Variants in NEBL observed in about 807,000 individuals in gnomAD.
NEBL encodes LIM and SH3 protein 2.
Under a neutral mutation model 140.2 loss-of-function variants are expected in NEBL, and 122 were observed. The ratio of observed to expected loss-of-function variants is 0.87; its 90% CI spans 0.75 to 1.01. NEBL has a LOEUF of 1.01. Ranked by LOEUF, NEBL falls within the 50% of genes least tolerant of loss-of-function variation. The pLI, the probability that NEBL is intolerant of heterozygous loss-of-function variation, is 0.00. For missense variants in NEBL, 1,365 were observed against 1,231.3 expected, an observed-to-expected ratio of 1.11 and a Z score of -1.62; for synonymous variants, 436 against 398.9, an observed-to-expected ratio of 1.09 and a Z score of -1.11.
intron 1 of NEBL, among the ~76,000 whole-genome samples, chr10:21,266,350 C>A (rs1214137625): frequency 2.0e-5 from 3 of 152,154 alleles, no homozygotes; most frequent in Non-Finnish European, 2.9e-5. Flanking sequence ...CCATGTTGCC[C>A]AGGCTAGTCT....
chr10:21,224,195 G>A (rs548865926), intron 3 of NEBL, among the ~76,000 whole-genome samples: 2 of 152,304 alleles, frequency 1.3e-5, no homozygotes, highest in Admixed American at 6.5e-5. Context: ...TTTGTATATG[G>A]TGAGAGATAG....
chr10:21,046,018 C>A (rs1474339263), intron 2 of NEBL, among the ~76,000 whole-genome samples: 1 of 151,870 alleles, frequency 6.6e-6, no homozygotes, highest in Non-Finnish European at 1.5e-5. Flanking sequence ...CACACACACA[C>A]ACACACGTGT....
At position 20,859,731 on chromosome 10, in the gene NEBL, A is replaced by C; in HGVS notation, c.780T>G (p.Ala260=). The C allele has an allele frequency of 3.1e-6, 5 of 1,595,056 alleles. No homozygotes were observed. The highest frequency in any genetic ancestry group is 4.3e-6 in the Non-Finnish European group (5 of 1,163,494). The change falls in exon 8 of 28, where the codon GCT becomes GCG. Residue 260 remains alanine, a synonymous_variant. Transcript: ENST00000377122. ...AACTTACATTGCTCGCCAGTGTAGC[A>C]GCAAGCTGATTCTGCCTAAAAGAAG... is the stretch of plus-strand genomic sequence containing the variant. ...ESASFRQNQL[A]ATLASNVKYK...
intron 1 of NEBL, among the ~76,000 whole-genome samples, chr10:21,269,749 A>T (rs1021933579): frequency 2.6e-5 from 4 of 152,192 alleles, no homozygotes; most frequent in Admixed American, 2.6e-4. Flanking sequence ...ATATATTTGC[A>T]TATATAGTGA....
At chr10:21,288,280 C>A (rs539222044) in intron 1 of NEBL, among the ~76,000 whole-genome samples, 1 of 151,848 alleles carries the variant, frequency 6.6e-6, no homozygotes, top group Admixed American at 6.6e-5. Flanking sequence ...CCAGCCTGGC[C>A]AACATAATGA....
At chr10:21,211,183 C>A (rs970714255) in intron 3 of NEBL, among the ~76,000 whole-genome samples, 16 of 152,036 alleles carry the variant, frequency 1.1e-4, no homozygotes, top group Admixed American at 4.6e-4. Flanking sequence ...TGAAAACAAT[C>A]AAAAATAGTC....
At chr10:20,992,696 A>G (rs370854227) in intron 3 of NEBL, among the ~76,000 whole-genome samples, 8 of 146,146 alleles carry the variant, frequency 5.5e-5, no homozygotes, top group African/African-American at 1.8e-4. Context: ...GCTACTTACT[A>G]TCCTCTACTA....
intron 3 of NEBL, among the ~76,000 whole-genome samples, chr10:20,966,535 A>G (rs1406404513): frequency 2.0e-5 from 3 of 152,224 alleles, no homozygotes; most frequent in Non-Finnish European, 4.4e-5. Flanking sequence ...TTGCTGCTGA[A>G]GTATGTGCAT....
At chr10:20,849,015 A>G (rs1309563975) in intron 11 of NEBL, among the ~76,000 whole-genome samples, 2 of 152,246 alleles carry the variant, frequency 1.3e-5, no homozygotes, top group Admixed American at 6.5e-5. Flanking sequence ...GCCTGTTTTG[A>G]TGTTGTTATT....
chr10:20,924,962 C>T (rs1833820054), intron 4 of NEBL, among the ~76,000 whole-genome samples: 1 of 150,876 alleles, frequency 6.6e-6, no homozygotes, highest in African/African-American at 2.4e-5. Context: ...CATCTGCAGA[C>T]CCCCAACCCC....
intron 4 of NEBL, among the ~76,000 whole-genome samples, chr10:20,924,399 G>A (rs374457822): frequency 9.5e-6 from 1 of 105,762 alleles, no homozygotes; most frequent in Admixed American, 1.4e-4. Flanking sequence ...TATAGCTCTC[G>A]ATCAGGCATG....
chr10:21,246,690 C>T (rs929472730), intron 3 of NEBL, among the ~76,000 whole-genome samples: 3 of 151,882 alleles, frequency 2.0e-5, no homozygotes, highest in African/African-American at 7.3e-5. Context: ...AAAAAATCAT[C>T]GAGCGTGGTG....
intron 4 of NEBL, among the ~76,000 whole-genome samples, chr10:20,936,651 C>T (rs921068934): frequency 1.3e-5 from 2 of 152,218 alleles, no homozygotes; most frequent in Admixed American, 1.3e-4. Flanking sequence ...GGCCAGCTGC[C>T]TCTTTCTTGG....
At chr10:21,094,577 G>C (rs1165704653) in intron 2 of NEBL, among the ~76,000 whole-genome samples, 1 of 151,180 alleles carries the variant, frequency 6.6e-6, no homozygotes, top group African/African-American at 2.4e-5. Context: ...CAGCTACTCG[G>C]AGGCTGAAGC....
At chr10:20,999,887 G>A (rs935929996) in intron 3 of NEBL, among the ~76,000 whole-genome samples, 4 of 152,038 alleles carry the variant, frequency 2.6e-5, no homozygotes, top group Middle Eastern at 3.4e-3. Flanking sequence ...CAATTTCATC[G>A]TTGGTTCCCC....
At chr10:20,871,627 T>G (rs1844945242) in intron 5 of NEBL, among the ~76,000 whole-genome samples, 2 of 152,314 alleles carry the variant, frequency 1.3e-5, no homozygotes, top group South Asian at 4.1e-4. Flanking sequence ...CATGAATCTG[T>G]CTGACAAGTG....
intron 2 of NEBL, among the ~76,000 whole-genome samples, chr10:21,093,476 C>T (rs533664042): frequency 3.3e-5 from 5 of 152,198 alleles, no homozygotes; most frequent in East Asian, 3.9e-4. Flanking sequence ...GTCCCTCCAT[C>T]GGCACTGAAA....
chr10:21,223,911 C>T (rs373087687), intron 3 of NEBL, among the ~76,000 whole-genome samples: 14 of 152,082 alleles, frequency 9.2e-5, no homozygotes, highest in African/African-American at 1.9e-4. Flanking sequence ...GTTTTGAGCT[C>T]CTTATATATT....
intron 3 of NEBL, among the ~76,000 whole-genome samples, chr10:21,233,197 A>T (rs1459926471): frequency 1.3e-5 from 2 of 152,106 alleles, no homozygotes; most frequent in African/African-American, 2.4e-5. Context: ...TGTAGCTGGG[A>T]CTACAGGCAC....
Sources: gnomAD v4.1 joint callset for allele counts (sites outside exome capture counted in the v4.1 genomes callset) on GRCh38, gnomAD v4.1.1 for gene constraint, MANE v1.5 for transcripts, NCBI Gene and HGNC (gene_info 2026-07-23, HGNC 2026-07-21) for gene names.